Variants in IRAK3 observed in about 807,000 individuals in gnomAD.
IRAK3 encodes the protein interleukin 1 receptor associated kinase 3.
Under a neutral mutation model 56.6 loss-of-function variants are expected in IRAK3, and 57 were observed. The ratio of observed to expected loss-of-function variants is 1.01; its 90% CI spans 0.81 to 1.26. The LOEUF is 1.26. Among genes scored for constraint, IRAK3 ranks in the 50% most tolerant of loss-of-function variants. The pLI is 0.00. For synonymous variants in IRAK3, 258 were observed against 255.7 expected, an observed-to-expected ratio of 1.01 and a Z score of -0.09; for missense variants, 703 against 719.0, an observed-to-expected ratio of 0.98 and a Z score of 0.25.
At chr12:66,203,536 G>C (rs2052528623) in intron 1 of IRAK3, among the ~76,000 whole-genome samples, 175 bp from the exon 2 acceptor site, 1 of 152,222 alleles carries the variant, frequency 6.6e-6, no homozygotes, top group Non-Finnish European at 1.5e-5. Context: ...TTAGTAAGAT[G>C]TCAACATTAG....
chr12:66,190,079 T>C (rs749806290), intron 1 of IRAK3, among the ~76,000 whole-genome samples: 2 of 152,226 alleles, frequency 1.3e-5, no homozygotes, highest in African/African-American at 2.4e-5. Flanking sequence ...GTGTTGAGTG[T>C]AGCCAGAGAT....
chr12:66,230,090 G>C (rs558109423), intron 8 of IRAK3, among the ~76,000 whole-genome samples: 2 of 152,300 alleles, frequency 1.3e-5, no homozygotes, highest in South Asian at 4.1e-4. Context: ...GGGAGCATCA[G>C]GGCAGGGAGG....
At position 66,244,660 on chromosome 12, in the gene IRAK3, A is replaced by G; in HGVS notation, c.1062A>G (p.Lys354=). ...TCAGACAGGGGAAACTTTCCATTAA[A>G]ACAGATGTCTACAGCTTTGGAATTG... ...EYIRQGKLSI[K]TDVYSFGIVI... Residue 354 remains lysine, a synonymous_variant, in exon 9 of 12, where the codon AAA becomes AAG. Coordinates refer to ENST00000261233, the MANE Select transcript of IRAK3 (RefSeq NM_007199.3). The G allele has an allele frequency of 1.9e-6, 3 of 1,613,968 alleles. No individual in the cohort carries two copies. The highest frequency in any genetic ancestry group is 2.5e-6 in the Non-Finnish European group (3 of 1,179,828).
chr12:66,216,404 C>T (rs1013250943), intron 5 of IRAK3, among the ~76,000 whole-genome samples: 32 of 152,180 alleles, frequency 2.1e-4, no homozygotes. Context: ...TTGAATTTCT[C>T]TCCCTTTATT....
intron 1 of IRAK3, among the ~76,000 whole-genome samples, chr12:66,192,321 G>A (rs2052407044): frequency 6.6e-6 from 1 of 152,092 alleles, no homozygotes; most frequent in African/African-American, 2.4e-5. Context: ...GTAATCACAA[G>A]ATAATATATT....
rs561367432 is a variant in IRAK3, at chr12:66,240,613, A to G, written c.888-3873A>G. Among the ~76,000 whole-genome samples, 12 of 152,062 alleles carry G rather than the reference A, an allele frequency of 7.9e-5. No individual in the cohort carries two copies. The South Asian group carries it at 2.5e-3, about 32-fold the overall frequency. On this transcript the variant is annotated intron_variant, in intron 8 of 11. Transcript: ENST00000261233. Reference sequence around the variant, plus strand: ...TGGTGAGGGGTGTCTCAGTGTTGCAACAGCCGTAATACAGACAGCACATGT... The same window carrying G: ...TGGTGAGGGGTGTCTCAGTGTTGCAGCAGCCGTAATACAGACAGCACATGT...
Position 66,228,354 on chromosome 12 carries a change from T to G in IRAK3, c.871T>G (p.Cys291Gly). The G allele has an allele frequency of 3.1e-6, 5 of 1,612,398 alleles. No homozygotes were observed. In the South Asian group the frequency reaches 3.3e-5, roughly 11 times the overall value. The part of the protein sequence containing the change: ...LHNVQPCSVI[C>G]GSISSANILL... ...CAACGTTCAACCATGCTCGGTCATC[T>G]GTGGCAGTATATCAAGGTAAATTAT... is the stretch of plus-strand genomic sequence containing the variant. The change falls in exon 8 of 12, where the codon TGT becomes GGT. Residue 291 changes from cysteine (C) to glycine (G), a missense_variant. Cys to Gly is a radical substitution (Grantham distance 159, BLOSUM62 -3). Coordinates refer to ENST00000261233, the MANE Select transcript of IRAK3 (RefSeq NM_007199.3).
chr12:66,215,794 A>ACGCGCG (rs1233867209), intron 5 of IRAK3, among the ~76,000 whole-genome samples: 10 of 146,274 alleles, frequency 6.8e-5, no homozygotes, highest in African/African-American at 2.3e-4. Flanking sequence ...ATGCACACAC[A>ACGCGCG]CACACACACA....
chr12:66,196,881 G>A (rs759920572), intron 1 of IRAK3: 1 of 1,517,142 alleles, frequency 6.6e-7, no homozygotes, highest in South Asian at 1.2e-5. Flanking sequence ...CCCTTACAGT[G>A]TCTAAAAACA....
chr12:66,248,044 G>C lies in IRAK3; in HGVS notation c.1664G>C (p.Arg555Thr). ...TATATAGTTCCATCCCAGGACTTAAGGCCCTATAAGGTAAATATAGATCCT... is the reference window on the plus strand; with the variant it reads ...TATATAGTTCCATCCCAGGACTTAACGCCCTATAAGGTAAATATAGATCCT... The part of the protein sequence containing the change: ...PKYIVPSQDL[R>T]PYKVNIDPSS... The change falls in exon 12 of 12, where the codon AGG (arginine) becomes ACG (threonine). Residue 555 changes from arginine to threonine, a missense_variant. By Grantham distance (71) the Arg-to-Thr change is moderately conservative. Coordinates refer to ENST00000261233, the MANE Select transcript of IRAK3 (RefSeq NM_007199.3). 6.3e-7 allele frequency: 1 copy of C among 1,583,366 alleles called. No homozygotes were observed. The highest frequency in any genetic ancestry group is 8.6e-7 in the Non-Finnish European group (1 of 1,167,782).
chr12:66,189,433 G>A lies in IRAK3; in HGVS notation c.133+1G>A, dbSNP rs1286378171. 2 of 1,299,992 alleles carry A rather than the reference G, an allele frequency of 1.5e-6. No individual in the cohort carries two copies. The highest frequency in any genetic ancestry group is 2.0e-6 in the Non-Finnish European group (2 of 1,022,242). 80.5% of individuals were successfully genotyped at this position (1,299,992 alleles called of 1,614,324 possible). On this transcript the variant is annotated splice_donor_variant, in intron 1 of 11. Transcript: ENST00000261233. LOFTEE classifies it high-confidence loss of function. ...GGCGCGCTGGGCTGGCGCGGCCTGG[G>A]TGAGTCGGCGGGGACCGGCCGGGGG... is the stretch of plus-strand genomic sequence containing the variant.
At chr12:66,203,985 T>G in intron 2 of IRAK3, 92 bp downstream of exon 2, 1 of 1,111,854 alleles carries the variant, frequency 9.0e-7, no homozygotes, top group Non-Finnish European at 1.4e-6. Context: ...AGACATTGAC[T>G]CATGCTCTGT....
intron 2 of IRAK3, among the ~76,000 whole-genome samples, chr12:66,204,710 G>A (rs753859248): frequency 4.0e-5 from 6 of 151,106 alleles, no homozygotes; most frequent in Non-Finnish European, 7.4e-5. Flanking sequence ...TTCATAGATC[G>A]CATTTTTAGT....
At chr12:66,233,422 G>A (rs1242824044) in intron 8 of IRAK3, among the ~76,000 whole-genome samples, 1 of 152,004 alleles carries the variant, frequency 6.6e-6, no homozygotes, top group Non-Finnish European at 1.5e-5. Context: ...GGAGGCTGAG[G>A]CAGGAGAATG....
At position 66,250,516 on chromosome 12, in the gene IRAK3, G is replaced by T. The variant is rs1348070766; in HGVS notation, c.*2345G>T. ...GCTTTATACAGGCCCTCGGTAAGCAGTTGGGAGAACCCATGCCCACCACTG... is the reference window on the plus strand; with the variant it reads ...GCTTTATACAGGCCCTCGGTAAGCATTTGGGAGAACCCATGCCCACCACTG... On this transcript the variant is annotated 3_prime_UTR_variant, in exon 12 of 12. Transcript: ENST00000261233. 6.6e-6 allele frequency: 1 copy of T among 152,228 alleles called. No homozygotes were observed. The highest frequency in any genetic ancestry group is 2.4e-5 in the African/African-American group (1 of 41,460). 9.4% of individuals were successfully genotyped at this position (152,228 alleles called of 1,614,324 possible). A position where few individuals can be genotyped will look rare whatever the true frequency, so the allele number is the denominator to read the frequency against.
At chr12:66,234,773 C>T (rs1277695904) in intron 8 of IRAK3, 2 of 1,594,594 alleles carry the variant, frequency 1.3e-6, no homozygotes, top group Non-Finnish European at 1.7e-6. Flanking sequence ...ACTGGCATCA[C>T]GTAGTATCCT....
chr12:66,215,798 A>AG (rs1565804040), intron 5 of IRAK3, among the ~76,000 whole-genome samples: 81 of 54,048 alleles, frequency 1.5e-3, no homozygotes, highest in African/African-American at 3.6e-3. Context: ...ACACACACAC[A>AG]CACACACACA....
intron 1 of IRAK3, among the ~76,000 whole-genome samples, chr12:66,191,413 T>G (rs2052398343): frequency 6.6e-6 from 1 of 152,212 alleles, no homozygotes; most frequent in Non-Finnish European, 1.5e-5. Context: ...GACGGTAGGT[T>G]GGTTTCTTGG....
At chr12:66,204,509 A>G (rs1617632) in intron 2 of IRAK3, among the ~76,000 whole-genome samples, 8,711 of 152,136 alleles carry the variant, frequency 0.057, 811 homozygotes, top group African/African-American at 0.2. Context: ...ATTTAGAACA[A>G]CATGATCAAT....
Sources: gnomAD v4.1 joint callset for allele counts (sites outside exome capture counted in the v4.1 genomes callset) on GRCh38, gnomAD v4.1.1 for gene constraint, MANE v1.5 for transcripts, NCBI Gene and HGNC (gene_info 2026-07-23, HGNC 2026-07-21) for gene names.